The following NDUFAF2 variants were observed in gnomAD, a reference collection of about 807,000 sequenced individuals.
The protein encoded by NDUFAF2 is NADH dehydrogenase [ubiquinone] 1 alpha subcomplex assembly factor 2.
NDUFAF2 carries 13 observed loss-of-function variants against 22.8 expected under a neutral mutation model. That is an observed-to-expected ratio of 0.57 (90% confidence interval 0.37 to 0.91). The LOEUF (loss-of-function observed/expected upper bound fraction) is 0.91. Among genes scored for constraint, NDUFAF2 ranks in the 40% least tolerant of loss-of-function variants. The pLI is 0.01. For synonymous variants in NDUFAF2, 53 were observed against 64.2 expected, an observed-to-expected ratio of 0.83 and a Z score of 0.84; for missense variants, 162 against 195.2, an observed-to-expected ratio of 0.83 and a Z score of 1.01.
At chr5:60,975,282 A>G (rs993596647) in intron 1 of NDUFAF2, among the ~76,000 whole-genome samples, 92 of 152,146 alleles carry the variant, frequency 6.0e-4, no homozygotes, top group African/African-American at 2.2e-3. Context: ...TGTTATTTTG[A>G]AGTCTCAAGT....
At chr5:60,982,989 TG>T (rs1161055888) in intron 1 of NDUFAF2, among the ~76,000 whole-genome samples, 1 of 152,026 alleles carries the variant, frequency 6.6e-6, no homozygotes, top group East Asian at 2.0e-4. Flanking sequence ...ACTTCCACAA[TG>T]GTTGAACTAG....
chr5:61,093,729 G>A (rs1324821525), intron 2 of NDUFAF2, among the ~76,000 whole-genome samples: 1 of 151,874 alleles, frequency 6.6e-6, no homozygotes, highest in African/African-American at 2.4e-5. Context: ...CCTTTTTTGT[G>A]GTATCAAACA....
intron 1 of NDUFAF2, among the ~76,000 whole-genome samples, chr5:60,958,170 CAGAT>C (rs1328286929): frequency 2.0e-5 from 3 of 152,166 alleles, no homozygotes; most frequent in Non-Finnish European, 4.4e-5. Flanking sequence ...TCTCATGTGA[CAGAT>C]AGTTATTGAC....
At chr5:61,094,664 G>GT (rs1371492910) in intron 2 of NDUFAF2, among the ~76,000 whole-genome samples, 5 of 152,256 alleles carry the variant, frequency 3.3e-5, no homozygotes, top group African/African-American at 1.2e-4. Context: ...CTTTGGATGG[G>GT]TTTTTATTTT....
At chr5:60,955,866 G>T (rs1031208088) in intron 1 of NDUFAF2, among the ~76,000 whole-genome samples, 1 of 151,126 alleles carries the variant, frequency 6.6e-6, no homozygotes, top group Non-Finnish European at 1.5e-5. Context: ...TTCCTTTTCA[G>T]ATAATTTGTT....
At chr5:61,033,574 G>C (rs1751755145) in intron 1 of NDUFAF2, among the ~76,000 whole-genome samples, 1 of 152,040 alleles carries the variant, frequency 6.6e-6, no homozygotes, top group Admixed American at 6.6e-5. Flanking sequence ...AACTACTTAA[G>C]ACACTAGTTT....
intron 1 of NDUFAF2, among the ~76,000 whole-genome samples, chr5:60,989,700 C>G (rs172945): frequency 0.64 from 96,659 of 151,952 alleles, 31,166 homozygotes; most frequent in East Asian, 0.94. Flanking sequence ...TAAGTAACAA[C>G]GCACGTGGAC....
chr5:61,021,797 C>G (rs533695309), intron 1 of NDUFAF2, among the ~76,000 whole-genome samples: 20 of 152,238 alleles, frequency 1.3e-4, no homozygotes, highest in African/African-American at 4.8e-4. Context: ...CCCTTTGTTT[C>G]TAAATGCCTT....
chr5:61,049,157 T>C (rs1039659158), intron 1 of NDUFAF2, among the ~76,000 whole-genome samples: 19 of 152,278 alleles, frequency 1.2e-4, no homozygotes, highest in African/African-American at 4.3e-4. Flanking sequence ...TTATATACTA[T>C]TTGAGTCAAT....
intron 1 of NDUFAF2, among the ~76,000 whole-genome samples, chr5:61,005,214 G>A (rs1454920727): frequency 6.6e-6 from 1 of 151,934 alleles, no homozygotes; most frequent in Non-Finnish European, 1.5e-5. Flanking sequence ...TGTGATAGTT[G>A]GCTTAGAATG....
chr5:60,961,217 T>C (rs1055492476), intron 1 of NDUFAF2, among the ~76,000 whole-genome samples: 5 of 152,124 alleles, frequency 3.3e-5, no homozygotes, highest in Non-Finnish European at 7.4e-5. Flanking sequence ...CCTAGCACTT[T>C]GGGAGGCCAA....
intron 1 of NDUFAF2, among the ~76,000 whole-genome samples, chr5:61,028,196 A>G (rs1004114119): frequency 6.6e-6 from 1 of 152,088 alleles, no homozygotes; most frequent in African/African-American, 2.4e-5. Flanking sequence ...GTGAAATAAG[A>G]AAGTGAGTAA....
chr5:61,052,573 G>A (rs1194333339), intron 1 of NDUFAF2, among the ~76,000 whole-genome samples: 10 of 152,196 alleles, frequency 6.6e-5, no homozygotes, highest in African/African-American at 2.4e-4. Flanking sequence ...GCCTCCCAAA[G>A]TGCTGGGATT....
chr5:61,042,518 A>C (rs573334118), intron 1 of NDUFAF2, among the ~76,000 whole-genome samples: 87 of 152,184 alleles, frequency 5.7e-4, no homozygotes, highest in Non-Finnish European at 1.0e-3. Context: ...GAGAAAGGAT[A>C]AACTAATAAA....
At position 61,087,219 on chromosome 5, in the gene NDUFAF2, A is replaced by T. The variant is rs539375451; in HGVS notation, c.218-11773A>T. 5.3e-5 allele frequency among the ~76,000 whole-genome samples: 8 copies of T among 152,254 alleles called. No individual in the cohort carries two copies. In the East Asian group the frequency reaches 1.5e-3, roughly 29 times the overall value. ...AAAAAAAGAAGTCATATGGGTACAC[A>T]TTGAGAAGATGGCTGCCTACAAGCC... On this transcript the variant is annotated intron_variant, in intron 2 of 3. Transcript: ENST00000296597.
chr5:61,124,404 C>T (rs1753010641), intron 3 of NDUFAF2, among the ~76,000 whole-genome samples: 1 of 151,806 alleles, frequency 6.6e-6, no homozygotes, highest in African/African-American at 2.4e-5. Context: ...GATTTTTATT[C>T]AAATGTCAGA....
At chr5:61,030,088 C>G (rs929742749) in intron 1 of NDUFAF2, among the ~76,000 whole-genome samples, 5 of 152,098 alleles carry the variant, frequency 3.3e-5, no homozygotes, top group African/African-American at 9.7e-5. Context: ...AATGGTCAGT[C>G]TCAAAGACAT....
intron 2 of NDUFAF2, among the ~76,000 whole-genome samples, chr5:61,090,239 A>G (rs1285361444): frequency 1.3e-5 from 2 of 152,032 alleles, no homozygotes; most frequent in African/African-American, 4.8e-5. Flanking sequence ...TTTTTCTTTA[A>G]AGGTCCGGAT....
intron 3 of NDUFAF2, among the ~76,000 whole-genome samples, chr5:61,150,453 T>G (rs1375746920): frequency 6.6e-6 from 1 of 152,206 alleles, no homozygotes; most frequent in Non-Finnish European, 1.5e-5. Context: ...CAGATTGGCT[T>G]TTCTTTTGCC....
Sources: gnomAD v4.1 joint callset for allele counts (sites outside exome capture counted in the v4.1 genomes callset) on GRCh38, gnomAD v4.1.1 for gene constraint, MANE v1.5 for transcripts, NCBI Gene and HGNC (gene_info 2026-07-23, HGNC 2026-07-21) for gene names.